FYN: variants seen among roughly 807,000 people sequenced by gnomAD.
FYN encodes the protein FYN proto-oncogene, Src family tyrosine kinase, also known as tyrosine-protein kinase Fyn.
A neutral mutation model predicts 70.2 loss-of-function variants in FYN; 10 were observed. The observed-to-expected ratio is 0.14, with a 90% confidence interval of 0.09 to 0.24. The LOEUF is 0.24. FYN is among the 10% of genes least tolerant of loss of function. The pLI, the probability that FYN is intolerant of heterozygous loss-of-function variation, is 1.00. For missense variants in FYN, 319 were observed against 673.1 expected, an observed-to-expected ratio of 0.47 and a Z score of 5.82; for synonymous variants, 236 against 248.6, an observed-to-expected ratio of 0.95 and a Z score of 0.48.
chr6:111,696,770 C>A, intron 9 of FYN: 1 of 209,524 alleles, frequency 4.8e-6, no homozygotes, highest in Non-Finnish European at 9.5e-6. Flanking sequence ...AAAAGCTCTG[C>A]ACCATACAGT....
chr6:111,681,908 CGA>C (rs1798797713), intron 12 of FYN, among the ~76,000 whole-genome samples: 1 of 151,820 alleles, frequency 6.6e-6, no homozygotes. Context: ...GGATTTGAAC[CGA>C]AGGTGCCAGA....
chr6:111,726,836 G>A (rs189882466), intron 3 of FYN, among the ~76,000 whole-genome samples: 4 of 152,120 alleles, frequency 2.6e-5, no homozygotes, highest in Admixed American at 1.3e-4. Context: ...TGCTGTTCTC[G>A]TGATAGTGAG....
chr6:111,818,798 T>C (rs904281298), intron 2 of FYN: 4 of 152,248 alleles, frequency 2.6e-5, no homozygotes, highest in African/African-American at 9.6e-5. Flanking sequence ...CTTCTCTAAA[T>C]TGTAACATCG....
chr6:111,704,329 G>A (rs1209664227), intron 6 of FYN, among the ~76,000 whole-genome samples: 1 of 152,018 alleles, frequency 6.6e-6, no homozygotes, highest in Non-Finnish European at 1.5e-5. Context: ...TTTGAGTTGT[G>A]GGTTGTTTTC....
At chr6:111,697,947 G>A (rs1448863851) in intron 9 of FYN, among the ~76,000 whole-genome samples, 1 of 152,158 alleles carries the variant, frequency 6.6e-6, no homozygotes, top group Non-Finnish European at 1.5e-5. Flanking sequence ...TACGATACTT[G>A]AGATTAAGTC....
intron 13 of FYN, among the ~76,000 whole-genome samples, chr6:111,666,529 T>C (rs1361148981): frequency 6.6e-6 from 1 of 152,184 alleles, no homozygotes; most frequent in Non-Finnish European, 1.5e-5. Context: ...GCCATTGTGG[T>C]GGGTCACTTT....
At chr6:111,824,498 A>C (rs1401136326) in intron 2 of FYN, among the ~76,000 whole-genome samples, 1 of 152,202 alleles carries the variant, frequency 6.6e-6, no homozygotes, top group Non-Finnish European at 1.5e-5. Flanking sequence ...CATCTTGTTA[A>C]CATCAGATGA....
At chr6:111,764,231 AAGAAAAG>A (rs1803128860) in intron 3 of FYN, among the ~76,000 whole-genome samples, 1 of 142,334 alleles carries the variant, frequency 7.0e-6, no homozygotes, top group African/African-American at 2.7e-5. Flanking sequence ...AAAAAAAAAA[AAGAAAAG>A]AAAAAAAAAG....
At chr6:111,871,386 A>G (rs1313919088) in intron 1 of FYN, among the ~76,000 whole-genome samples, 1 of 152,220 alleles carries the variant, frequency 6.6e-6, no homozygotes, top group Admixed American at 6.5e-5. Context: ...AAGACAGTAC[A>G]TAGGGTGGAA....
chr6:111,784,878 T>A (rs953446342), intron 2 of FYN, among the ~76,000 whole-genome samples: 1 of 152,224 alleles, frequency 6.6e-6, no homozygotes, highest in East Asian at 1.9e-4. Flanking sequence ...TCACTGGTAC[T>A]TATTAAAGAC....
At chr6:111,748,181 T>C (rs186452545) in intron 3 of FYN, among the ~76,000 whole-genome samples, 6 of 152,358 alleles carry the variant, frequency 3.9e-5, no homozygotes, top group Non-Finnish European at 5.9e-5. Context: ...TCTTAGAAGA[T>C]TGTTAATTAG....
intron 12 of FYN, among the ~76,000 whole-genome samples, chr6:111,692,885 C>G (rs535838172): frequency 1.3e-5 from 2 of 152,314 alleles, no homozygotes; most frequent in East Asian, 3.9e-4. Flanking sequence ...CCTCTCTGGA[C>G]GGCCAGTGCC....
chr6:111,690,171 AC>A (rs143686991), intron 12 of FYN, among the ~76,000 whole-genome samples: 3,206 of 152,260 alleles, frequency 0.021, 123 homozygotes, highest in African/African-American at 0.072. Context: ...GTCGGGGGTC[AC>A]AGGAGACAGG....
intron 3 of FYN, among the ~76,000 whole-genome samples, chr6:111,749,104 T>C (rs1209662979): frequency 6.6e-6 from 1 of 152,216 alleles, no homozygotes; most frequent in Non-Finnish European, 1.5e-5. Context: ...TCAGTCACTA[T>C]AATGGTTCAT....
chr6:111,867,652 C>A (rs1338033545), intron 1 of FYN, among the ~76,000 whole-genome samples: 1 of 151,974 alleles, frequency 6.6e-6, no homozygotes, highest in Non-Finnish European at 1.5e-5. Context: ...TCTTTTCTAC[C>A]TACCCCTACA....
intron 3 of FYN, among the ~76,000 whole-genome samples, chr6:111,732,722 G>C (rs528804686): frequency 6.6e-6 from 1 of 152,212 alleles, no homozygotes; most frequent in African/African-American, 2.4e-5. Flanking sequence ...CTTCAAAAGG[G>C]AGCTGGTCGT....
intron 9 of FYN, among the ~76,000 whole-genome samples, chr6:111,698,607 T>C (rs1023429426): frequency 6.6e-6 from 1 of 152,192 alleles, no homozygotes; most frequent in Admixed American, 6.5e-5. Flanking sequence ...AACCCATGAA[T>C]TGTTTCTAAG....
chr6:111,735,656 G>C (rs192413293), intron 3 of FYN, among the ~76,000 whole-genome samples: 2 of 152,286 alleles, frequency 1.3e-5, no homozygotes, highest in South Asian at 4.1e-4. Context: ...AGAAGCATGG[G>C]GGGGTGCCAG....
chr6:111,742,131 T>G (rs1395635592), intron 3 of FYN, among the ~76,000 whole-genome samples: 1 of 152,188 alleles, frequency 6.6e-6, no homozygotes, highest in Non-Finnish European at 1.5e-5. Context: ...CCAGGCATTG[T>G]GCGGGATGGT....
Sources: allele counts gnomAD v4.1 joint callset (sites outside exome capture counted in the v4.1 genomes callset), GRCh38; gene constraint gnomAD v4.1.1; transcripts MANE v1.5; gene names NCBI Gene and HGNC (gene_info 2026-07-23, HGNC 2026-07-21).